The following MAPK4 variants were observed in gnomAD, a reference collection of about 807,000 sequenced individuals.
MAPK4 encodes the protein Erk3-related.
MAPK4 carries 22 observed loss-of-function variants against 47.7 expected under a neutral mutation model. That is an observed-to-expected ratio of 0.46 (90% CI 0.33 to 0.66). MAPK4 has a LOEUF of 0.66. Among genes scored for constraint, MAPK4 ranks in the 30% least tolerant of loss-of-function variants. The pLI is 0.02. For synonymous variants in MAPK4, 390 were observed against 365.7 expected (o/e 1.07, Z -0.76); for missense variants, 736 against 831.7 (o/e 0.88, Z 1.42).
intron 1 of MAPK4, among the ~76,000 whole-genome samples, chr18:50,571,239 A>G (rs950637978): frequency 1.3e-5 from 2 of 152,224 alleles, no homozygotes; most frequent in Non-Finnish European, 2.9e-5. Flanking sequence ...ACACATAGGA[A>G]GGACTATAGA....
intron 2 of MAPK4, chr18:50,706,083 C>T (rs1910036017): frequency 6.6e-6 from 1 of 152,194 alleles, no homozygotes; most frequent in South Asian, 2.1e-4. Flanking sequence ...TAAAGCAGTA[C>T]TTGGCACGGT....
At chr18:50,637,112 C>A (rs532354214) in intron 1 of MAPK4, among the ~76,000 whole-genome samples, 2 of 152,230 alleles carry the variant, frequency 1.3e-5, no homozygotes, top group Non-Finnish European at 2.9e-5. Flanking sequence ...AAGACATCTC[C>A]CATCTCTGGG....
At position 50,711,842 on chromosome 18, in the gene MAPK4, T is replaced by G. The variant is rs565440040; in HGVS notation, c.547-3237T>G. ...CTTTAAAGTTTTTTTTTTTTTTTTG[T>G]AGAAAATTATCCTGAATTTCACCCC... is the stretch of plus-strand genomic sequence containing the variant. On this transcript the variant is annotated intron_variant, in intron 2 of 5. Transcript: ENST00000400384. Among the ~76,000 whole-genome samples, 339 of 134,990 alleles carry G rather than the reference T, an allele frequency of 2.5e-3. 2 individuals are homozygous for G. The highest frequency in any genetic ancestry group is 4.2e-3 in the Non-Finnish European group (247 of 59,278). 88.6% of individuals were successfully genotyped at this position (134,990 alleles called of 152,430 possible).
chr18:50,577,198 A>G lies in MAPK4; in HGVS notation c.-871+16955A>G, dbSNP rs147686988. On this transcript the variant is annotated intron_variant, in intron 1 of 5. Transcript: ENST00000400384. ...GCAAACAAGTTTGGGAACCAATGGTATGTGTTGTCATTCTCAGCTTTGGCT... is the reference window on the plus strand; with the variant it reads ...GCAAACAAGTTTGGGAACCAATGGTGTGTGTTGTCATTCTCAGCTTTGGCT... Among the ~76,000 whole-genome samples the G allele has an allele frequency of 3.2e-3, 492 of 152,280 alleles. 2 individuals are homozygous for G. The highest frequency in any genetic ancestry group is 4.5e-3 in the Non-Finnish European group (306 of 68,024).
At chr18:50,688,500 C>T (rs941791084) in intron 2 of MAPK4, among the ~76,000 whole-genome samples, 1 of 152,182 alleles carries the variant, frequency 6.6e-6, no homozygotes, top group Non-Finnish European at 1.5e-5. Flanking sequence ...TCAAGAAAGG[C>T]AAATAGAATA....
chr18:50,729,215 C>A lies in MAPK4; in HGVS notation c.1125C>A (p.Ala375=), dbSNP rs949119986. 6.2e-7 allele frequency: 1 copy of A among 1,600,040 alleles called. No individual in the cohort carries two copies. The change falls in exon 6 of 6, where the codon GCC becomes GCA. Residue 375 remains alanine, a synonymous_variant. Transcript: ENST00000400384. ...LEWRPDRCQD[A]SEVQRDPRAG... is the part of the protein sequence containing the mutation. Reference sequence around the variant, plus strand: ...GGCGGCCTGACCGGTGCCAGGACGCCAGCGAGGTACAGCGCGACCCGCGCG... The same window carrying A: ...GGCGGCCTGACCGGTGCCAGGACGCAAGCGAGGTACAGCGCGACCCGCGCG...
At chr18:50,566,782 A>G (rs890515065) in intron 1 of MAPK4, among the ~76,000 whole-genome samples, 2 of 152,182 alleles carry the variant, frequency 1.3e-5, no homozygotes, top group Non-Finnish European at 1.5e-5. Flanking sequence ...GAATAAAAAC[A>G]TTTATTTGTC....
intron 1 of MAPK4, among the ~76,000 whole-genome samples, chr18:50,626,369 C>T (rs897021897): frequency 2.6e-5 from 4 of 152,134 alleles, no homozygotes; most frequent in African/African-American, 4.8e-5. Context: ...GAGCAGGCTC[C>T]CTGGGAGAGG....
intron 1 of MAPK4, among the ~76,000 whole-genome samples, chr18:50,631,733 C>T (rs1228840820): frequency 6.6e-6 from 1 of 152,180 alleles, no homozygotes; most frequent in Non-Finnish European, 1.5e-5. Context: ...GGTCAGTCCT[C>T]TTAGGGCAAA....
intron 1 of MAPK4, among the ~76,000 whole-genome samples, chr18:50,589,723 G>T (rs1331443182): frequency 1.3e-5 from 2 of 152,190 alleles, no homozygotes; most frequent in Non-Finnish European, 2.9e-5. Context: ...GCTGTGGCTA[G>T]AAATGGTTCT....
chr18:50,721,952 G>A lies in MAPK4; in HGVS notation c.706G>A (p.Glu236Lys), dbSNP rs1194333980. Residue 236 changes from glutamate (E) to lysine (K), a missense_variant, in exon 4 of 6, where the codon GAG becomes AAG. By Grantham distance (56) the Glu-to-Lys change is moderately conservative. Coordinates refer to ENST00000400384, the MANE Select transcript of MAPK4 (RefSeq NM_002747.4). The stretch of plus-strand genomic sequence containing the variant: ...TGCCTCCCCAGGGGCCCATGAGCTG[G>A]AGCAGATGCAACTCATCCTGGAGAC... ...RMLFAGAHEL[E>K]QMQLILETIP... The A allele has an allele frequency of 6.2e-7, 1 of 1,613,962 alleles. No individual in the cohort carries two copies. Among genetic ancestry groups the A allele is most frequent in the African/African-American group, 1.3e-5 (1 of 74,936 alleles).
chr18:50,716,190 C>A lies in MAPK4; in HGVS notation c.691+967C>A, dbSNP rs530761744. ...CTCCCTCTCTTCCATTCTCTCCTCA[C>A]TCTGCAGCATGGTTCACGCCCCCTC... On this transcript the variant is annotated intron_variant, in intron 3 of 5. Coordinates refer to ENST00000400384, the MANE Select transcript of MAPK4 (RefSeq NM_002747.4). 1.8e-3 allele frequency among the ~76,000 whole-genome samples: 273 copies of A among 152,308 alleles called. 3 individuals carry two copies. The highest frequency in any genetic ancestry group is 6.8e-3 in the Middle Eastern group (2 of 294).
chr18:50,584,386 A>G (rs2042371688), intron 1 of MAPK4, among the ~76,000 whole-genome samples: 1 of 152,204 alleles, frequency 6.6e-6, no homozygotes, highest in Non-Finnish European at 1.5e-5. Context: ...GGCTGGATGA[A>G]CTGCGGAACT....
At chr18:50,657,257 C>T (rs2043119557) in intron 1 of MAPK4, among the ~76,000 whole-genome samples, 1 of 152,152 alleles carries the variant, frequency 6.6e-6, no homozygotes, top group African/African-American at 2.4e-5. Context: ...ATTGTATTAC[C>T]ACAGTTGGTT....
intron 1 of MAPK4, among the ~76,000 whole-genome samples, chr18:50,568,082 G>C (rs1322118699): frequency 6.6e-6 from 1 of 151,748 alleles, no homozygotes; most frequent in African/African-American, 2.4e-5. Flanking sequence ...TGTAGTCCCA[G>C]CTACTCGGGA....
chr18:50,701,833 A>G (rs954771884), intron 2 of MAPK4, among the ~76,000 whole-genome samples: 12 of 152,216 alleles, frequency 7.9e-5, no homozygotes, highest in African/African-American at 2.7e-4. Context: ...TAATCCAGAA[A>G]ACTTATAAGG....
chr18:50,668,914 G>T (rs1907767599), intron 2 of MAPK4, among the ~76,000 whole-genome samples: 1 of 152,220 alleles, frequency 6.6e-6, no homozygotes, highest in African/African-American at 2.4e-5. Flanking sequence ...CAAATCGGGA[G>T]AGTCAGGCCA....
At chr18:50,709,379 G>C (rs1910230071) in intron 2 of MAPK4, among the ~76,000 whole-genome samples, 1 of 152,214 alleles carries the variant, frequency 6.6e-6, no homozygotes, top group East Asian at 1.9e-4. Context: ...GGGGTGGAGA[G>C]GGAGCACAGA....
intron 2 of MAPK4, among the ~76,000 whole-genome samples, chr18:50,676,940 G>A (rs1568076321): frequency 6.6e-6 from 1 of 152,168 alleles, no homozygotes; most frequent in African/African-American, 2.4e-5. Context: ...CTGGGCTGAG[G>A]ACCAGGACTG....
Sources: allele counts gnomAD v4.1 joint callset (sites outside exome capture counted in the v4.1 genomes callset), GRCh38; gene constraint gnomAD v4.1.1; transcripts MANE v1.5; gene names NCBI Gene and HGNC (gene_info 2026-07-23, HGNC 2026-07-21).